Variants in ARHGAP32 observed in about 807,000 individuals in gnomAD.
The protein encoded by ARHGAP32 is Rho GTPase activating protein 32, also known as rho GTPase-activating protein 32.
Under a neutral mutation model 186.5 loss-of-function variants are expected in ARHGAP32, and 51 were observed. The observed-to-expected ratio is 0.27, with a 90% confidence interval of 0.22 to 0.35. ARHGAP32 has a LOEUF of 0.35. Among genes scored for constraint, ARHGAP32 ranks in the 10% least tolerant of loss-of-function variants. The probability of loss-of-function intolerance (pLI) is 1.00; values close to 1 mark genes in which losing one functional copy is unlikely to be tolerated. For missense variants in ARHGAP32, 2,186 were observed against 2,623.5 expected, an observed-to-expected ratio of 0.83 and a Z score of 3.64; for synonymous variants, 950 against 964.3, an observed-to-expected ratio of 0.99 and a Z score of 0.27.
chr11:129,087,154 T>C (rs1436476436), intron 6 of ARHGAP32, among the ~76,000 whole-genome samples: 1 of 152,136 alleles, frequency 6.6e-6, no homozygotes, highest in Non-Finnish European at 1.5e-5. Context: ...GAATGCAAAA[T>C]GGCACAGTCA....
At chr11:128,973,533 C>G in intron 21 of ARHGAP32, 101 bp from the exon 22 acceptor site, 1 of 1,294,164 alleles carries the variant, frequency 7.7e-7, no homozygotes, top group Non-Finnish European at 1.1e-6. Context: ...AAAATAGGTG[C>G]CTTCCATATT....
intron 10 of ARHGAP32, among the ~76,000 whole-genome samples, chr11:129,044,358 C>T (rs1318577935): frequency 4.6e-5 from 7 of 152,100 alleles, no homozygotes; most frequent in Non-Finnish European, 8.8e-5. Flanking sequence ...TTTCTGCAGC[C>T]GTGGCAATTT....
chr11:129,160,485 G>A (rs1186303779), intron 2 of ARHGAP32, among the ~76,000 whole-genome samples: 2 of 152,124 alleles, frequency 1.3e-5, no homozygotes, highest in African/African-American at 2.4e-5. Context: ...CAAATCATGA[G>A]TGAACTCCCA....
intron 11 of ARHGAP32, among the ~76,000 whole-genome samples, chr11:129,015,221 A>G (rs1270150884): frequency 1.3e-5 from 2 of 152,174 alleles, no homozygotes; most frequent in African/African-American, 2.4e-5. Flanking sequence ...CTTTGTATTC[A>G]CATAAGTCTC....
chr11:128,982,073 T>A (rs1945719439), intron 15 of ARHGAP32, 137 bp from the exon 16 acceptor site: 2 of 521,746 alleles, frequency 3.8e-6, no homozygotes, highest in South Asian at 6.8e-5. Flanking sequence ...GAACTTTTTT[T>A]TCCTGCTTAA....
intron 1 of ARHGAP32, among the ~76,000 whole-genome samples, chr11:129,207,489 GTGA>G (rs1177529557): frequency 6.6e-6 from 1 of 152,190 alleles, no homozygotes; most frequent in African/African-American, 2.4e-5. Flanking sequence ...CTAATGAACA[GTGA>G]TGATAAGCTT....
At chr11:129,143,089 A>ATATATATATATATAT (rs66832335) in intron 2 of ARHGAP32, among the ~76,000 whole-genome samples, 25 of 145,620 alleles carry the variant, frequency 1.7e-4, no homozygotes, top group African/African-American at 3.3e-4. Context: ...ATATATATAT[A>ATATATATATATATAT]ATCAACTGAA....
At chr11:129,019,699 T>G (rs987715765) in intron 11 of ARHGAP32, among the ~76,000 whole-genome samples, 1 of 152,162 alleles carries the variant, frequency 6.6e-6, no homozygotes, top group South Asian at 2.1e-4. Context: ...GTTGTGTGTG[T>G]GGTAAAAACA....
chr11:129,249,613 T>C (rs192571212), intron 1 of ARHGAP32, among the ~76,000 whole-genome samples: 158 of 152,232 alleles, frequency 1.0e-3, no homozygotes, highest in African/African-American at 3.7e-3. Context: ...TGTTTTCCAA[T>C]ATGTGGAATT....
rs373269696 is a variant in ARHGAP32 at position 129,002,998 on chromosome 11, C to T, written c.1046-4530G>A. Reference sequence around the variant, plus strand: ...TAACTTTTTGTATTTTTAGTAGAGACGGGGTTTCACCTTGGTCTCGATCTC... The same window carrying T: ...TAACTTTTTGTATTTTTAGTAGAGATGGGGTTTCACCTTGGTCTCGATCTC... On this transcript the variant is annotated intron_variant, in intron 11 of 22. Coordinates refer to ENST00000682385, the MANE Select transcript of ARHGAP32 (RefSeq NM_001378024.1). Among the ~76,000 whole-genome samples, 145 of 152,072 alleles carry T rather than the reference C, an allele frequency of 9.5e-4. 1 individual carries two copies. The highest frequency in any genetic ancestry group is 1.9e-3 in the Non-Finnish European group (130 of 67,974).
intron 5 of ARHGAP32, among the ~76,000 whole-genome samples, chr11:129,094,600 G>A (rs1018399307): frequency 1.3e-5 from 2 of 152,188 alleles, no homozygotes; most frequent in African/African-American, 4.8e-5. Flanking sequence ...TAAATGAGGT[G>A]TATATTCCCC....
At chr11:129,208,806 T>C (rs1032667235) in intron 1 of ARHGAP32, among the ~76,000 whole-genome samples, 1 of 152,032 alleles carries the variant, frequency 6.6e-6, no homozygotes, top group Non-Finnish European at 1.5e-5. Flanking sequence ...TCAAAGCAAT[T>C]TGACATACTG....
chr11:129,048,235 A>G (rs1044665325), intron 10 of ARHGAP32, among the ~76,000 whole-genome samples: 1 of 152,216 alleles, frequency 6.6e-6, no homozygotes, highest in Non-Finnish European at 1.5e-5. Flanking sequence ...AAACAAAGCT[A>G]AAGATCAGGA....
At chr11:128,994,620 C>A (rs188313056) in intron 12 of ARHGAP32, among the ~76,000 whole-genome samples, 1 of 152,196 alleles carries the variant, frequency 6.6e-6, no homozygotes, top group Non-Finnish European at 1.5e-5. Flanking sequence ...CACCCAGCCC[C>A]CTATGAAGTC....
chr11:129,086,017 C>CAAAA (rs60940372), intron 6 of ARHGAP32, among the ~76,000 whole-genome samples: 1 of 127,888 alleles, frequency 7.8e-6, no homozygotes, highest in African/African-American at 2.9e-5. Context: ...AACAAACAAA[C>CAAAA]AAAAAAAAAA....
intron 1 of ARHGAP32, among the ~76,000 whole-genome samples, chr11:129,164,840 G>C (rs1013426552): frequency 6.6e-6 from 1 of 152,066 alleles, no homozygotes; most frequent in Non-Finnish European, 1.5e-5. Context: ...CCAATCAATG[G>C]AGCAGAGTGC....
At chr11:129,145,277 A>G (rs1236891756) in intron 2 of ARHGAP32, among the ~76,000 whole-genome samples, 1 of 147,610 alleles carries the variant, frequency 6.8e-6, no homozygotes, top group Admixed American at 6.8e-5. Context: ...AATTCTGTGT[A>G]CATTAGATTT....
At chr11:129,129,343 C>A (rs1173679154) in intron 2 of ARHGAP32, among the ~76,000 whole-genome samples, 1 of 151,574 alleles carries the variant, frequency 6.6e-6, no homozygotes, top group African/African-American at 2.4e-5. Context: ...AGGAGCCCCT[C>A]CGCCCGGCAG....
At chr11:129,096,216 A>G (rs1941723940) in intron 5 of ARHGAP32, among the ~76,000 whole-genome samples, 1 of 152,228 alleles carries the variant, frequency 6.6e-6, no homozygotes, top group South Asian at 2.1e-4. Context: ...ATTGGGCCAG[A>G]TATAAAAATA....
Sources: gnomAD v4.1 joint callset for allele counts (sites outside exome capture counted in the v4.1 genomes callset) on GRCh38, gnomAD v4.1.1 for gene constraint, MANE v1.5 for transcripts, NCBI Gene and HGNC (gene_info 2026-07-23, HGNC 2026-07-21) for gene names.